The following SUSD6 variants were observed in gnomAD, a reference collection of about 807,000 sequenced individuals.
SUSD6 encodes the protein sushi domain-containing protein 6.
In SUSD6, 16 loss-of-function variants were observed where a neutral mutation model predicts 28.4. That is an observed-to-expected ratio of 0.56 (90% CI 0.38 to 0.86). The LOEUF is 0.86. SUSD6 is among the 40% of genes least tolerant of loss of function. The probability of loss-of-function intolerance (pLI) is 0.00; values close to 1 mark genes in which losing one functional copy is unlikely to be tolerated. For missense variants in SUSD6, 341 were observed against 384.2 expected (o/e 0.89, Z 0.94); for synonymous variants, 147 against 159.6 (o/e 0.92, Z 0.59).
chr14:69,708,172 A>G (rs1227377076), intron 4 of SUSD6, among the ~76,000 whole-genome samples: 3 of 152,242 alleles, frequency 2.0e-5, no homozygotes, highest in African/African-American at 2.4e-5. Context: ...TAACAGCTTT[A>G]TTGAGATATA....
At chr14:69,675,750 G>C (rs1477852230) in intron 2 of SUSD6, among the ~76,000 whole-genome samples, 1 of 152,072 alleles carries the variant, frequency 6.6e-6, no homozygotes, top group Non-Finnish European at 1.5e-5. Context: ...TTCAACCTAG[G>C]CCTTCCCATT....
chr14:69,687,661 A>G (rs575425051), intron 2 of SUSD6, among the ~76,000 whole-genome samples: 1 of 152,336 alleles, frequency 6.6e-6, no homozygotes, highest in South Asian at 2.1e-4. Context: ...AACATTCCAC[A>G]CTGGGGTACT....
At chr14:69,669,010 AT>A (rs1885788077) in intron 2 of SUSD6, among the ~76,000 whole-genome samples, 1 of 149,682 alleles carries the variant, frequency 6.7e-6, no homozygotes, top group Admixed American at 6.6e-5. Flanking sequence ...AAAAAAAAAA[AT>A]CTCTTTTTTA....
At chr14:69,695,410 T>C (rs1886211213) in intron 2 of SUSD6, among the ~76,000 whole-genome samples, 3 of 152,234 alleles carry the variant, frequency 2.0e-5, no homozygotes. Context: ...TGCAGGACTT[T>C]TGCGAAGGAA....
At chr14:69,677,509 C>T (rs942897510) in intron 2 of SUSD6, among the ~76,000 whole-genome samples, 3 of 149,004 alleles carry the variant, frequency 2.0e-5, no homozygotes, top group Admixed American at 1.3e-4. Context: ...ATCACGCCAC[C>T]GCGCTCCAGC....
chr14:69,644,968 G>A (rs1885406067), intron 1 of SUSD6, among the ~76,000 whole-genome samples: 1 of 152,204 alleles, frequency 6.6e-6, no homozygotes, highest in South Asian at 2.1e-4. Flanking sequence ...GCTAATCAAA[G>A]GGAAGGAACA....
rs1886506693 is a variant in SUSD6 at position 69,713,846 on chromosome 14, T to C, written c.*2867T>C. ...TTGTTGTTGGTGTTTGTTTTTTTTT[T>C]TTTTTTTTTGGCACACTTGAGCTGA... On this transcript the variant is annotated 3_prime_UTR_variant, in exon 6 of 6. Transcript: ENST00000342745. 1 of 151,048 alleles carries C rather than the reference T, an allele frequency of 6.6e-6. No homozygotes were observed. Among genetic ancestry groups the C allele is most frequent in the African/African-American group, 2.4e-5 (1 of 41,202 alleles). The allele number at this position is 151,048 out of a possible 1,614,324, so 9.4% of individuals were successfully genotyped here.
chr14:69,694,489 G>A (rs922817403), intron 2 of SUSD6, among the ~76,000 whole-genome samples: 11 of 152,194 alleles, frequency 7.2e-5, no homozygotes, highest in Non-Finnish European at 1.6e-4. Flanking sequence ...GCTGCTCATT[G>A]TTTCTCTCTG....
At chr14:69,704,794 T>TG (rs34781762) in intron 4 of SUSD6, 52 bp downstream of exon 4, 1 of 1,588,278 alleles carries the variant, frequency 6.3e-7, no homozygotes. Context: ...AGCATTACTG[T>TG]GGGGGCCAGT....
intron 1 of SUSD6, among the ~76,000 whole-genome samples, chr14:69,625,317 A>G (rs1471818564): frequency 1.3e-5 from 2 of 152,252 alleles, no homozygotes; most frequent in African/African-American, 4.8e-5. Flanking sequence ...ATCAGCTTTT[A>G]TCCTCACTAT....
chr14:69,612,666 G>A (rs1884898227), intron 1 of SUSD6, among the ~76,000 whole-genome samples: 1 of 152,158 alleles, frequency 6.6e-6, no homozygotes, highest in Admixed American at 6.5e-5. Context: ...GGAAGTTGGC[G>A]TCTGGGCAAG....
chr14:69,653,297 T>G (rs946161012), intron 1 of SUSD6, among the ~76,000 whole-genome samples: 23 of 152,180 alleles, frequency 1.5e-4, no homozygotes, highest in African/African-American at 5.3e-4. Flanking sequence ...GCAGCACTAG[T>G]TCCCAAGAAA....
chr14:69,654,412 G>A (rs1885547960), intron 1 of SUSD6, among the ~76,000 whole-genome samples: 1 of 152,208 alleles, frequency 6.6e-6, no homozygotes, highest in Non-Finnish European at 1.5e-5. Flanking sequence ...TAAAGGTACA[G>A]TCATAGCAGG....
At chr14:69,633,715 G>T (rs1374139455) in intron 1 of SUSD6, among the ~76,000 whole-genome samples, 1 of 152,120 alleles carries the variant, frequency 6.6e-6, no homozygotes, top group Non-Finnish European at 1.5e-5. Context: ...AGACATGATT[G>T]CCTTATTGTG....
chr14:69,696,125 T>G (rs1320947111), intron 2 of SUSD6, among the ~76,000 whole-genome samples: 2 of 152,250 alleles, frequency 1.3e-5, no homozygotes, highest in African/African-American at 4.8e-5. Context: ...GGTTTCCTGA[T>G]GCCCTGCCCC....
chr14:69,622,633 G>C (rs1289958020), intron 1 of SUSD6, among the ~76,000 whole-genome samples: 1 of 152,082 alleles, frequency 6.6e-6, no homozygotes, highest in Non-Finnish European at 1.5e-5. Flanking sequence ...TCACTCTGTT[G>C]CGCAGGCTGG....
At chr14:69,630,214 C>T (rs371344479) in intron 1 of SUSD6, among the ~76,000 whole-genome samples, 5 of 152,184 alleles carry the variant, frequency 3.3e-5, no homozygotes, top group South Asian at 2.1e-4. Flanking sequence ...AAAAACTTGC[C>T]GAGGATGGCA....
At chr14:69,648,426 G>T (rs1054769724) in intron 1 of SUSD6, among the ~76,000 whole-genome samples, 26 of 152,316 alleles carry the variant, frequency 1.7e-4, no homozygotes, top group Admixed American at 1.4e-3. Context: ...GTTTTGACCT[G>T]AGAACTCACT....
At chr14:69,707,753 A>G (rs768369700) in intron 4 of SUSD6, among the ~76,000 whole-genome samples, 2 of 152,258 alleles carry the variant, frequency 1.3e-5, no homozygotes, top group Non-Finnish European at 2.9e-5. Flanking sequence ...TCTCAAAAGA[A>G]AAACAATTTT....
Sources: gnomAD v4.1 joint callset for allele counts (sites outside exome capture counted in the v4.1 genomes callset) on GRCh38, gnomAD v4.1.1 for gene constraint, MANE v1.5 for transcripts, NCBI Gene and HGNC (gene_info 2026-07-23, HGNC 2026-07-21) for gene names.